TCF7L1: variants seen among roughly 807,000 people sequenced by gnomAD.
TCF7L1 encodes the protein transcription factor 7 like 1.
TCF7L1 carries 18 observed loss-of-function variants against 63.7 expected under a neutral mutation model. The observed-to-expected ratio is 0.28, with a 90% CI of 0.20 to 0.42. The LOEUF is 0.42. TCF7L1 is among the 10% of genes least tolerant of loss of function. The pLI is 1.00. For synonymous variants in TCF7L1, 355 were observed against 340.9 expected, an observed-to-expected ratio of 1.04 and a Z score of -0.46; for missense variants, 654 against 779.3, an observed-to-expected ratio of 0.84 and a Z score of 1.91.
intron 3 of TCF7L1, among the ~76,000 whole-genome samples, chr2:85,276,436 A>G (rs1353678353): frequency 6.6e-6 from 1 of 151,718 alleles, no homozygotes; most frequent in Non-Finnish European, 1.5e-5. Flanking sequence ...AGTGACAATG[A>G]CATTATTCAA....
At chr2:85,177,540 A>G (rs1678706206) in intron 3 of TCF7L1, among the ~76,000 whole-genome samples, 1 of 151,946 alleles carries the variant, frequency 6.6e-6, no homozygotes, top group Admixed American at 6.6e-5. Context: ...CCCCATCTCT[A>G]CAAAATAATA....
intron 3 of TCF7L1, among the ~76,000 whole-genome samples, chr2:85,194,008 G>T (rs1679094358): frequency 6.6e-6 from 1 of 152,046 alleles, no homozygotes; most frequent in Admixed American, 6.5e-5. Context: ...GTGGTAGGAG[G>T]GTTAGTGTGA....
chr2:85,162,249 A>G (rs571081377), intron 3 of TCF7L1, among the ~76,000 whole-genome samples: 1 of 152,218 alleles, frequency 6.6e-6, no homozygotes, highest in East Asian at 1.9e-4. Flanking sequence ...AAAAAAATAA[A>G]TAAATAATTT....
intron 4 of TCF7L1, among the ~76,000 whole-genome samples, chr2:85,295,832 C>T (rs926103272): frequency 2.4e-5 from 3 of 124,894 alleles, no homozygotes; most frequent in Non-Finnish European, 4.6e-5. Flanking sequence ...GGCTGGAGTG[C>T]AGCGGCACGA....
chr2:85,263,447 A>G (rs974206221), intron 3 of TCF7L1, among the ~76,000 whole-genome samples: 1 of 152,118 alleles, frequency 6.6e-6, no homozygotes, highest in Non-Finnish European at 1.5e-5. Context: ...GAACAATTGG[A>G]GAGACAGTCC....
intron 3 of TCF7L1, among the ~76,000 whole-genome samples, chr2:85,272,745 C>T (rs1384056255): frequency 1.3e-5 from 2 of 152,060 alleles, no homozygotes; most frequent in African/African-American, 2.4e-5. Flanking sequence ...CAGTGAGCTA[C>T]AGTCGTGCCA....
At chr2:85,193,401 A>C (rs1325746499) in intron 3 of TCF7L1, among the ~76,000 whole-genome samples, 1 of 152,158 alleles carries the variant, frequency 6.6e-6, no homozygotes. Flanking sequence ...GGGCATTATT[A>C]GGGCCGGGTG....
chr2:85,265,613 C>A lies in TCF7L1; in HGVS notation c.442-17882C>A, dbSNP rs1680949825. ...GCCCCAGCGTATGTTGCCCAGGAAC[C>A]ATTGAAGGCTTCCAAACGGCTGAGG... On this transcript the variant is annotated intron_variant, in intron 3 of 11. Coordinates refer to ENST00000282111, the MANE Select transcript of TCF7L1 (RefSeq NM_031283.3). 4.6e-5 allele frequency among the ~76,000 whole-genome samples: 7 copies of A among 152,294 alleles called. No homozygotes were observed. The South Asian group carries it at 1.4e-3, about 32-fold the overall frequency.
At chr2:85,271,000 G>A (rs1194556634) in intron 3 of TCF7L1, among the ~76,000 whole-genome samples, 2 of 151,998 alleles carry the variant, frequency 1.3e-5, no homozygotes, top group Non-Finnish European at 2.9e-5. Flanking sequence ...CCAACCACAA[G>A]TTTCTAGAAG....
chr2:85,285,787 T>C (rs1681532134), intron 4 of TCF7L1, among the ~76,000 whole-genome samples: 1 of 152,202 alleles, frequency 6.6e-6, no homozygotes, highest in South Asian at 2.1e-4. Context: ...TCCTGTGCCG[T>C]CTGCCAGCCC....
At chr2:85,196,847 A>G (rs1294368750) in intron 3 of TCF7L1, among the ~76,000 whole-genome samples, 2 of 152,200 alleles carry the variant, frequency 1.3e-5, no homozygotes, top group Admixed American at 1.3e-4. Context: ...TCACCCAGTA[A>G]GTGAGGCATT....
At chr2:85,165,672 G>A (rs1052822435) in intron 3 of TCF7L1, among the ~76,000 whole-genome samples, 1 of 152,174 alleles carries the variant, frequency 6.6e-6, no homozygotes, top group Non-Finnish European at 1.5e-5. Context: ...CAGATCATGG[G>A]CCCTGGTTGA....
At chr2:85,158,845 C>T (rs973089487) in intron 3 of TCF7L1, among the ~76,000 whole-genome samples, 6 of 152,224 alleles carry the variant, frequency 3.9e-5, no homozygotes, top group Non-Finnish European at 5.9e-5. Flanking sequence ...ACTGAAGGGC[C>T]TCCTGGTACT....
chr2:85,215,167 C>G (rs4831996), intron 3 of TCF7L1, among the ~76,000 whole-genome samples: 8,105 of 152,254 alleles, frequency 0.053, 609 homozygotes, highest in African/African-American at 0.15. Flanking sequence ...ACACCGGGAC[C>G]TTCTGAAAAA....
intron 4 of TCF7L1, among the ~76,000 whole-genome samples, chr2:85,298,521 A>G (rs1424763100): frequency 2.0e-5 from 3 of 150,882 alleles, no homozygotes; most frequent in Admixed American, 1.3e-4. Flanking sequence ...GAGAGGACAC[A>G]TGGCTTCCTA....
intron 3 of TCF7L1, among the ~76,000 whole-genome samples, chr2:85,235,900 T>C (rs1680180079): frequency 6.6e-6 from 1 of 151,828 alleles, no homozygotes; most frequent in Admixed American, 6.6e-5. Context: ...TGGCTCATGA[T>C]TGTAATCCCA....
intron 3 of TCF7L1, among the ~76,000 whole-genome samples, chr2:85,213,093 G>A (rs914422585): frequency 6.8e-6 from 1 of 146,486 alleles, no homozygotes; most frequent in Non-Finnish European, 1.5e-5. Context: ...CCCAGAAAAC[G>A]CCTTGAAGGG....
chr2:85,154,904 C>G (rs1414924091), intron 3 of TCF7L1, among the ~76,000 whole-genome samples: 1 of 152,218 alleles, frequency 6.6e-6, no homozygotes, highest in South Asian at 2.1e-4. Context: ...GCAACCTCTG[C>G]CTCCCGGGTT....
rs748762063 is a variant in TCF7L1 at position 85,309,198 on chromosome 2, G to A, written c.1503G>A (p.Gln501=). 1.5e-5 allele frequency: 24 copies of A among 1,613,966 alleles called. No individual in the cohort carries two copies. The South Asian group carries it at 2.5e-4, about 17-fold the overall frequency. Reference sequence around the variant, plus strand: ...CTGCCACCCATTCGGAGCAAGCCCAGCCCCTCTCCCTCACCACCAAACCAG... The same window carrying A: ...CTGCCACCCATTCGGAGCAAGCCCAACCCCTCTCCCTCACCACCAAACCAG... ...APAATHSEQA[Q]PLSLTTKPET... The change falls in exon 12 of 12, where the codon CAG becomes CAA. Residue 501 remains glutamine (Q), a synonymous_variant. Transcript: ENST00000282111.
Sources: allele counts gnomAD v4.1 joint callset (sites outside exome capture counted in the v4.1 genomes callset), GRCh38; gene constraint gnomAD v4.1.1; transcripts MANE v1.5; gene names NCBI Gene and HGNC (gene_info 2026-07-23, HGNC 2026-07-21).